Variants in EPHA3 observed in about 807,000 individuals in gnomAD.
EPHA3 encodes EPH receptor A3.
In EPHA3, 42 loss-of-function variants were observed where a neutral mutation model predicts 107.1. That is an observed-to-expected ratio of 0.39 (90% confidence interval 0.31 to 0.51). EPHA3 has a LOEUF of 0.51. Ranked by LOEUF, EPHA3 falls within the 20% of genes least tolerant of loss-of-function variation. The probability of loss-of-function intolerance (pLI) is 0.78; values close to 1 mark genes in which losing one functional copy is unlikely to be tolerated. For synonymous variants in EPHA3, 461 were observed against 424.8 expected (o/e 1.09, Z -1.05); for missense variants, 1,183 against 1,211.2 (o/e 0.98, Z 0.35).
chr3:89,180,149 T>C (rs1454957979), intron 2 of EPHA3, among the ~76,000 whole-genome samples: 6 of 152,028 alleles, frequency 3.9e-5, no homozygotes, highest in Admixed American at 3.3e-4. Context: ...AATCTACAAA[T>C]GCATAGTGTG....
At chr3:89,362,040 T>C (rs2107459235) in intron 5 of EPHA3, among the ~76,000 whole-genome samples, 1 of 151,326 alleles carries the variant, frequency 6.6e-6, no homozygotes, top group East Asian at 1.9e-4. Context: ...TAAAGACTCA[T>C]ACTTCTAAAG....
intron 13 of EPHA3, among the ~76,000 whole-genome samples, chr3:89,446,155 A>G (rs1215326989): frequency 6.6e-6 from 1 of 152,212 alleles, no homozygotes; most frequent in African/African-American, 2.4e-5. Flanking sequence ...CAAATAGACC[A>G]CATGTAATTG....
intron 3 of EPHA3, among the ~76,000 whole-genome samples, chr3:89,269,219 C>A (rs999267444): frequency 6.6e-5 from 10 of 152,200 alleles, no homozygotes; most frequent in Admixed American, 5.9e-4. Flanking sequence ...ACTGTTTACA[C>A]ATTTTACAGA....
At chr3:89,127,408 A>G in intron 2 of EPHA3, 135 bp downstream of exon 2, 3 of 601,488 alleles carry the variant, frequency 5.0e-6, no homozygotes, top group Non-Finnish European at 8.5e-6. Context: ...TATTCAATAT[A>G]TGGAGTACCA....
chr3:89,219,693 T>TTTTTTG (rs1559606297), intron 3 of EPHA3, among the ~76,000 whole-genome samples: 1,185 of 11,638 alleles, frequency 0.1, 119 homozygotes, highest in East Asian at 0.22. Flanking sequence ...GCAATGTTTT[T>TTTTTTG]TTTTTTTTTG....
chr3:89,350,380 CTG>C lies in EPHA3; in HGVS notation c.1306+8291_1306+8292del, dbSNP rs1359447527. Among the ~76,000 whole-genome samples, 38 of 151,550 alleles carry C rather than the reference CTG, an allele frequency of 2.5e-4. No individual in the cohort carries two copies. In the South Asian group the frequency reaches 2.7e-3, roughly 11 times the overall value. On this transcript the variant is annotated intron_variant, in intron 5 of 16. Coordinates refer to ENST00000336596, the MANE Select transcript of EPHA3 (RefSeq NM_005233.6). ...ATTTCATTCATTTCATCTTCCATCACTGATACCCTTTCTTCCAGTTGATCACA... is the reference window on the plus strand; with the variant it reads ...ATTTCATTCATTTCATCTTCCATCACATACCCTTTCTTCCAGTTGATCACA...
chr3:89,322,390 G>A (rs138504048), intron 3 of EPHA3, among the ~76,000 whole-genome samples: 1 of 152,046 alleles, frequency 6.6e-6, no homozygotes, highest in Non-Finnish European at 1.5e-5. Context: ...AGGAGACATT[G>A]GTCAGTGTCA....
At position 89,108,718 on chromosome 3, in the gene EPHA3, T is replaced by C. The variant is rs149178300; in HGVS notation, c.88+882T>C. Among the ~76,000 whole-genome samples the C allele has an allele frequency of 1.5e-3, 234 of 152,318 alleles. 1 individual carries two copies. Among genetic ancestry groups the C allele is most frequent in the Admixed American group, 2.9e-3 (44 of 15,304 alleles). On this transcript the variant is annotated intron_variant, in intron 1 of 16. Coordinates refer to ENST00000336596, the MANE Select transcript of EPHA3 (RefSeq NM_005233.6). Reference sequence around the variant, plus strand: ...AGGACACCAATGTGTTCTATAAGATTGTGTACTTAATACATACATTTTCTT... The same window carrying C: ...AGGACACCAATGTGTTCTATAAGATCGTGTACTTAATACATACATTTTCTT...
intron 16 of EPHA3, among the ~76,000 whole-genome samples, chr3:89,476,661 G>T (rs1202231126): frequency 6.6e-6 from 1 of 150,542 alleles, no homozygotes; most frequent in Admixed American, 6.6e-5. Flanking sequence ...AGGCTGGAGT[G>T]CAGTGGCGCG....
intron 3 of EPHA3, among the ~76,000 whole-genome samples, chr3:89,222,500 T>C (rs1377218955): frequency 3.4e-5 from 5 of 148,788 alleles, no homozygotes; most frequent in East Asian, 1.9e-4. Flanking sequence ...ATATGTATTA[T>C]ATAAATATAT....
intron 3 of EPHA3, among the ~76,000 whole-genome samples, chr3:89,257,538 A>G (rs1260477727): frequency 1.3e-5 from 2 of 152,050 alleles, no homozygotes; most frequent in African/African-American, 2.4e-5. Context: ...TGAGTATCTT[A>G]TTATTTGAAA....
chr3:89,261,023 C>T (rs1305103280), intron 3 of EPHA3, among the ~76,000 whole-genome samples: 2 of 152,180 alleles, frequency 1.3e-5, no homozygotes, highest in Non-Finnish European at 2.9e-5. Flanking sequence ...ACAAAGGTTC[C>T]TGACATGCTG....
rs114834425 is a variant in EPHA3, at chr3:89,258,831, A to G, written c.814+48311A>G. Among the ~76,000 whole-genome samples the G allele has an allele frequency of 9.2e-3, 1,403 of 152,292 alleles. 25 individuals carry two copies. The highest frequency in any genetic ancestry group is 0.032 in the African/African-American group (1,342 of 41,568). Reference sequence around the variant, plus strand: ...AGAGGTGGGGTGAACATGTGACAACAAAAGGAGGACATTTTGGGGAGCAAT... The same window carrying G: ...AGAGGTGGGGTGAACATGTGACAACGAAAGGAGGACATTTTGGGGAGCAAT... On this transcript the variant is annotated intron_variant, in intron 3 of 16. Coordinates refer to ENST00000336596, the MANE Select transcript of EPHA3 (RefSeq NM_005233.6).
intron 3 of EPHA3, among the ~76,000 whole-genome samples, chr3:89,294,521 A>T (rs1261531167): frequency 2.6e-5 from 4 of 152,096 alleles, no homozygotes; most frequent in Admixed American, 2.6e-4. Context: ...CACACAGAAG[A>T]TGACTACTGA....
At chr3:89,177,699 CT>C (rs1158321359) in intron 2 of EPHA3, among the ~76,000 whole-genome samples, 1 of 152,122 alleles carries the variant, frequency 6.6e-6, no homozygotes, top group East Asian at 1.9e-4. Context: ...TTAGTGGTTG[CT>C]AATTAAATGC....
At chr3:89,182,879 G>T (rs1705476603) in intron 2 of EPHA3, among the ~76,000 whole-genome samples, 1 of 151,588 alleles carries the variant, frequency 6.6e-6, no homozygotes, top group South Asian at 2.1e-4. Context: ...CTGGTTTTCA[G>T]AATCACATGG....
At chr3:89,147,065 C>T (rs1704574716) in intron 2 of EPHA3, among the ~76,000 whole-genome samples, 1 of 151,802 alleles carries the variant, frequency 6.6e-6, no homozygotes, top group Non-Finnish European at 1.5e-5. Flanking sequence ...AACGATCATC[C>T]TCAGCAAACT....
intron 6 of EPHA3, 66 bp from the exon 7 acceptor site, chr3:89,399,252 T>A (rs1209804222): frequency 6.9e-7 from 1 of 1,448,554 alleles, no homozygotes; most frequent in African/African-American, 1.4e-5. Context: ...AGTGGTTCAC[T>A]GTTTATCATT....
rs755358413 is a variant in EPHA3, at chr3:89,407,389, T to G, written c.1697+18T>G. 1.3e-6 allele frequency: 2 copies of G among 1,587,912 alleles called. No individual in the cohort carries two copies. Among genetic ancestry groups the G allele is most frequent in the Non-Finnish European group, 1.7e-6 (2 of 1,156,800 alleles). On this transcript the variant is annotated intron_variant, in intron 8 of 16. Coordinates refer to ENST00000336596, the MANE Select transcript of EPHA3 (RefSeq NM_005233.6). ...ATTGGGAGGTGAGTTCACAGTCTGT[T>G]TCACTATTCACTTTCTTTGTTGCTT...
Sources: gnomAD v4.1 joint callset for allele counts (sites outside exome capture counted in the v4.1 genomes callset) on GRCh38, gnomAD v4.1.1 for gene constraint, MANE v1.5 for transcripts, NCBI Gene and HGNC (gene_info 2026-07-23, HGNC 2026-07-21) for gene names.